CTNNA3: variants seen among roughly 807,000 people sequenced by gnomAD.
The protein encoded by CTNNA3 is catenin alpha 3.
A neutral mutation model predicts 95.7 loss-of-function variants in CTNNA3; 76 were observed. That is an observed-to-expected ratio of 0.79 (90% CI 0.66 to 0.96). The LOEUF (loss-of-function observed/expected upper bound fraction) is 0.96. CTNNA3 is among the 40% of genes least tolerant of loss of function. The pLI, the probability that CTNNA3 is intolerant of heterozygous loss-of-function variation, is 0.00. For synonymous variants in CTNNA3, 431 were observed against 374.4 expected, an observed-to-expected ratio of 1.15 and a Z score of -1.74; for missense variants, 1,191 against 1,089.8, an observed-to-expected ratio of 1.09 and a Z score of -1.31.
intron 11 of CTNNA3, among the ~76,000 whole-genome samples, chr10:66,451,492 A>G (rs1378957298): frequency 6.6e-6 from 1 of 152,170 alleles, no homozygotes; most frequent in African/African-American, 2.4e-5. Context: ...CAGATGCTAT[A>G]TAAAAATGGT....
intron 12 of CTNNA3, among the ~76,000 whole-genome samples, chr10:66,331,338 G>GCTTGCTTGCTTTTTTTT (rs1417713676): frequency 2.6e-5 from 1 of 39,116 alleles, no homozygotes; most frequent in African/African-American, 7.2e-5. Context: ...TTTCCCCATT[G>GCTTGCTTGCTTTTTTTT]TTTGTTTTTT....
chr10:66,458,602 C>T (rs1679144454), intron 11 of CTNNA3, among the ~76,000 whole-genome samples: 1 of 152,118 alleles, frequency 6.6e-6, no homozygotes, highest in South Asian at 2.1e-4. Flanking sequence ...CTCCCCAGAT[C>T]CTGGTGACCA....
At chr10:66,513,645 C>A (rs1401873130) in intron 11 of CTNNA3, among the ~76,000 whole-genome samples, 1 of 152,164 alleles carries the variant, frequency 6.6e-6, no homozygotes, top group African/African-American at 2.4e-5. Context: ...CCCTAAGTGG[C>A]ACGTTTGGGG....
intron 5 of CTNNA3, among the ~76,000 whole-genome samples, chr10:67,324,623 G>A (rs1028017290): frequency 6.6e-6 from 1 of 151,934 alleles, no homozygotes; most frequent in African/African-American, 2.4e-5. Flanking sequence ...TTGATGTGCT[G>A]CTGGATTCAG....
chr10:66,355,442 C>T (rs1476388841), intron 12 of CTNNA3, among the ~76,000 whole-genome samples: 1 of 152,048 alleles, frequency 6.6e-6, no homozygotes, highest in Admixed American at 6.6e-5. Context: ...TATAAACCCT[C>T]CACGAATGAC....
intron 7 of CTNNA3, chr10:67,099,890 C>T (rs1252909255): frequency 6.6e-6 from 1 of 151,540 alleles, no homozygotes; most frequent in Admixed American, 6.6e-5. Context: ...GGCTTTACGT[C>T]GTTAGCAAAT....
intron 12 of CTNNA3, among the ~76,000 whole-genome samples, chr10:66,331,350 T>C (rs2092327671): frequency 6.0e-5 from 7 of 116,598 alleles, no homozygotes; most frequent in African/African-American, 2.1e-4. Context: ...TTGTTTTTTT[T>C]TTTTTTTTTT....
At chr10:66,225,530 T>C (rs1475340300) in intron 13 of CTNNA3, among the ~76,000 whole-genome samples, 1 of 151,070 alleles carries the variant, frequency 6.6e-6, no homozygotes, top group Non-Finnish European at 1.5e-5. Flanking sequence ...AATAGTGTTA[T>C]AATAAATATG....
chr10:66,676,405 T>C (rs1846858237), intron 9 of CTNNA3, among the ~76,000 whole-genome samples: 1 of 152,044 alleles, frequency 6.6e-6, no homozygotes, highest in South Asian at 2.1e-4. Flanking sequence ...TAATTATGAC[T>C]GTGGCAGCAA....
At chr10:67,568,491 C>T (rs557804327) in intron 3 of CTNNA3, among the ~76,000 whole-genome samples, 84 of 150,786 alleles carry the variant, frequency 5.6e-4, no homozygotes, top group African/African-American at 2.0e-3. Flanking sequence ...GTGTATAGTA[C>T]AGTACATATT....
At chr10:67,566,924 A>G (rs1038207430) in intron 3 of CTNNA3, among the ~76,000 whole-genome samples, 11 of 151,370 alleles carry the variant, frequency 7.3e-5, no homozygotes, top group Non-Finnish European at 1.5e-4. Flanking sequence ...CGCAAGGACA[A>G]AAAACCAAAC....
At chr10:67,252,058 A>G (rs1490006746) in intron 5 of CTNNA3, among the ~76,000 whole-genome samples, 1 of 151,990 alleles carries the variant, frequency 6.6e-6, no homozygotes, top group Non-Finnish European at 1.5e-5. Flanking sequence ...AAGAAACACA[A>G]AAATTAACCG....
Position 67,202,876 on chromosome 10 carries a change from T to TA in CTNNA3, c.843+16730dup, listed in dbSNP as rs569362233. On this transcript the variant is annotated intron_variant, in intron 6 of 17. Coordinates refer to ENST00000433211, the MANE Select transcript of CTNNA3 (RefSeq NM_013266.4). ...AAGGGAACTCTGGACATATCTGCTT[T>TA]AAAAAAAAGCTAGATAATCTTCTGA... Among the ~76,000 whole-genome samples, 500 of 152,058 alleles carry TA rather than the reference T, an allele frequency of 3.3e-3. 4 individuals are homozygous for TA. Among genetic ancestry groups the TA allele is most frequent in the African/African-American group, 0.011 (454 of 41,500 alleles).
chr10:67,404,935 A>G (rs1180465609), intron 5 of CTNNA3, among the ~76,000 whole-genome samples: 3 of 152,212 alleles, frequency 2.0e-5, no homozygotes, highest in Non-Finnish European at 2.9e-5. Context: ...AGAAATTCCA[A>G]TGCAGAATTA....
chr10:66,107,088 C>T (rs1244488492), intron 13 of CTNNA3, among the ~76,000 whole-genome samples: 1 of 152,148 alleles, frequency 6.6e-6, no homozygotes, highest in Non-Finnish European at 1.5e-5. Context: ...CAAAGATTCA[C>T]TCTAGCATGA....
chr10:67,056,877 A>G (rs1411874519), intron 7 of CTNNA3, among the ~76,000 whole-genome samples: 6 of 152,190 alleles, frequency 3.9e-5, no homozygotes, highest in Non-Finnish European at 8.8e-5. Context: ...TTACATCAAT[A>G]TCAAGTGAGA....
intron 15 of CTNNA3, among the ~76,000 whole-genome samples, chr10:65,993,581 T>C (rs2078587895): frequency 6.6e-6 from 1 of 152,226 alleles, no homozygotes; most frequent in Non-Finnish European, 1.5e-5. Flanking sequence ...TCACTTTTGG[T>C]TTCTGTTTGC....
At chr10:67,130,570 G>A (rs1859946777) in intron 7 of CTNNA3, among the ~76,000 whole-genome samples, 1 of 152,116 alleles carries the variant, frequency 6.6e-6, no homozygotes, top group African/African-American at 2.4e-5. Flanking sequence ...AGATAAGAGT[G>A]TAAATCTGAA....
intron 13 of CTNNA3, among the ~76,000 whole-genome samples, chr10:66,132,914 A>C (rs1003325094): frequency 3.9e-5 from 6 of 152,182 alleles, no homozygotes; most frequent in Admixed American, 6.5e-5. Context: ...GGACGGTGGC[A>C]GGAGGGAGAG....
Sources: allele counts gnomAD v4.1 joint callset (sites outside exome capture counted in the v4.1 genomes callset), GRCh38; gene constraint gnomAD v4.1.1; transcripts MANE v1.5; gene names NCBI Gene and HGNC (gene_info 2026-07-23, HGNC 2026-07-21).